Variants in PTPRM observed in about 807,000 individuals in gnomAD.
PTPRM encodes receptor-type tyrosine-protein phosphatase mu.
PTPRM carries 47 observed loss-of-function variants against 186.7 expected under a neutral mutation model. The ratio of observed to expected loss-of-function variants is 0.25; its 90% CI spans 0.20 to 0.32. The LOEUF (loss-of-function observed/expected upper bound fraction) is 0.32, where lower values mean the gene tolerates loss of function less well. PTPRM is among the 10% of genes least tolerant of loss of function. The pLI is 1.00. For missense variants in PTPRM, 1,494 were observed against 1,865.0 expected (o/e 0.80, Z 3.66); for synonymous variants, 668 against 674.9 (o/e 0.99, Z 0.16).
intron 1 of PTPRM, among the ~76,000 whole-genome samples, chr18:7,651,215 G>T (rs1172228029): frequency 6.6e-6 from 1 of 152,062 alleles, no homozygotes; most frequent in African/African-American, 2.4e-5. Flanking sequence ...TAGCCACCGC[G>T]CCTGACCAAG....
intron 23 of PTPRM, among the ~76,000 whole-genome samples, chr18:8,369,112 T>A (rs1286103218): frequency 6.6e-6 from 1 of 151,946 alleles, no homozygotes; most frequent in Non-Finnish European, 1.5e-5. Flanking sequence ...ATGGTGCGAG[T>A]AGGAGTTTGG....
intron 1 of PTPRM, among the ~76,000 whole-genome samples, chr18:7,713,272 C>T (rs2040250803): frequency 6.6e-6 from 1 of 152,066 alleles, no homozygotes. Context: ...CCAAACTAAG[C>T]TTCATAATTC....
Position 7,567,829 on chromosome 18 carries a change from T to G in PTPRM, c.11T>G (p.Leu4Arg). 1.3e-6 allele frequency: 2 copies of G among 1,558,300 alleles called. No homozygotes were observed. Among genetic ancestry groups the G allele is most frequent in the Non-Finnish European group, 8.6e-7 (1 of 1,156,178 alleles). MRG[L>R]GTCLATLAGL... ...CCCGCACTCAGCACCATGAGGGGAC[T>G]TGGGACTTGCCTGGCGACTTTGGCC... Residue 4 changes from leucine (L) to arginine (R), a missense_variant, in exon 1 of 33, where the codon CTT (leucine) becomes CGT (arginine). Around this residue, in one of 3 missense-constraint regions of PTPRM, gnomAD observed 296 missense variants for 345.5 expected, o/e 0.86. Transcript: ENST00000580170. The surrounding 1 kb of genome is among the most constrained non-coding windows in gnomAD (Gnocchi z 4.3).
intron 3 of PTPRM, among the ~76,000 whole-genome samples, chr18:7,890,012 G>T (rs1298252181): frequency 2.0e-5 from 3 of 152,206 alleles, no homozygotes; most frequent in Non-Finnish European, 2.9e-5. Flanking sequence ...TTCTGTGGGG[G>T]ATTCCTGTGA....
chr18:8,244,099 G>A lies in PTPRM; in HGVS notation c.2342G>A (p.Arg781Gln), dbSNP rs371291461. 22 of 1,609,262 alleles carry A rather than the reference G, an allele frequency of 1.4e-5. No individual in the cohort carries two copies. Among genetic ancestry groups the A allele is most frequent in the African/African-American group, 4.0e-5 (3 of 74,570 alleles). Residue 781 changes from arginine (R) to glutamine (Q), a missense_variant, in exon 15 of 33, where the codon CGA becomes CAA. Arg to Gln is a conservative substitution (Grantham distance 43). Coordinates refer to ENST00000580170, the MANE Select transcript of PTPRM (RefSeq NM_001105244.2). The part of the protein sequence containing the change: ...KKRKETMSST[R>Q]QEMTVMVNSM... ...CGGAAAGAGACCATGAGCAGCACCC[G>A]ACAGGAGATGACTGTGATGGTGAAC...
chr18:7,641,780 A>T (rs1431064709), intron 1 of PTPRM, among the ~76,000 whole-genome samples: 2 of 152,248 alleles, frequency 1.3e-5, no homozygotes, highest in Non-Finnish European at 2.9e-5. Flanking sequence ...TTTATTGTAT[A>T]CTTACTTTCG....
intron 1 of PTPRM, among the ~76,000 whole-genome samples, chr18:7,636,642 G>A (rs1363916330): frequency 2.6e-5 from 4 of 152,178 alleles, no homozygotes; most frequent in Non-Finnish European, 4.4e-5. Flanking sequence ...CAGGACAGAG[G>A]AGGCGCGTGC....
chr18:8,299,687 G>A (rs1011299552), intron 20 of PTPRM, among the ~76,000 whole-genome samples: 1 of 152,074 alleles, frequency 6.6e-6, no homozygotes, highest in Non-Finnish European at 1.5e-5. Context: ...TTCTGTAAAG[G>A]GTCCAGTAGT....
At chr18:7,887,885 A>G in intron 2 of PTPRM, 3 of 715,306 alleles carry the variant, frequency 4.2e-6, no homozygotes, top group Non-Finnish European at 5.1e-6. Context: ...AGTAACATCC[A>G]GGGAATTTTC....
chr18:8,370,189 C>CAAA (rs11288424), intron 23 of PTPRM, among the ~76,000 whole-genome samples: 68 of 121,866 alleles, frequency 5.6e-4, no homozygotes, highest in African/African-American at 2.1e-3. Flanking sequence ...ACATTCTTAC[C>CAAA]AAAAAAAAAA....
At chr18:7,657,595 C>T (rs180679451) in intron 1 of PTPRM, among the ~76,000 whole-genome samples, 99 of 152,268 alleles carry the variant, frequency 6.5e-4, no homozygotes, top group African/African-American at 2.3e-3. Context: ...TTTTCTATGC[C>T]GTATTCTACT....
chr18:8,232,106 TA>T (rs1369957919), intron 14 of PTPRM, among the ~76,000 whole-genome samples: 2 of 152,236 alleles, frequency 1.3e-5, no homozygotes, highest in Non-Finnish European at 2.9e-5. Context: ...TGACAATCAC[TA>T]ATCCTTTTAC....
chr18:8,228,803 A>G (rs2094248140), intron 14 of PTPRM, among the ~76,000 whole-genome samples: 1 of 152,046 alleles, frequency 6.6e-6, no homozygotes, highest in Admixed American at 6.6e-5. Flanking sequence ...CAGTGAGCCG[A>G]GATCACACCA....
intron 15 of PTPRM, 80 bp downstream of exon 15, chr18:8,244,289 A>G: frequency 7.4e-7 from 1 of 1,349,092 alleles, no homozygotes; most frequent in East Asian, 2.7e-5. Flanking sequence ...GATTTCAAAA[A>G]AAAAAAAAGC....
chr18:7,966,644 G>A (rs1027656101), intron 7 of PTPRM, among the ~76,000 whole-genome samples: 8 of 148,988 alleles, frequency 5.4e-5, no homozygotes, highest in African/African-American at 2.0e-4. Context: ...CCTCACCTGG[G>A]AAGCGCAAGG....
At chr18:7,634,004 A>G (rs1360605416) in intron 1 of PTPRM, among the ~76,000 whole-genome samples, 2 of 152,102 alleles carry the variant, frequency 1.3e-5, no homozygotes, top group Non-Finnish European at 2.9e-5. Flanking sequence ...TTCACCTGGG[A>G]AAACACAGAA....
intron 9 of PTPRM, among the ~76,000 whole-genome samples, chr18:8,084,054 T>C (rs2090298185): frequency 6.6e-6 from 1 of 152,124 alleles, no homozygotes; most frequent in African/African-American, 2.4e-5. Context: ...TCAGTCCTCA[T>C]TTTAATTATA....
At chr18:8,079,391 G>T (rs972738358) in intron 9 of PTPRM, among the ~76,000 whole-genome samples, 1 of 152,064 alleles carries the variant, frequency 6.6e-6, no homozygotes, top group Admixed American at 6.6e-5. Context: ...ATTTAATACT[G>T]CCCTCTGAAA....
intron 5 of PTPRM, among the ~76,000 whole-genome samples, chr18:7,934,986 A>G (rs971730811): frequency 2.6e-5 from 4 of 152,166 alleles, no homozygotes; most frequent in African/African-American, 9.7e-5. Context: ...TTATGGATAT[A>G]TGCTTTTGGT....
Sources: allele counts gnomAD v4.1 joint callset (sites outside exome capture counted in the v4.1 genomes callset), GRCh38; gene constraint gnomAD v4.1.1; regional missense constraint gnomAD v4.1.1; non-coding constraint Gnocchi (gnomAD v3.1); transcripts MANE v1.5; gene names NCBI Gene and HGNC (gene_info 2026-07-23, HGNC 2026-07-21).